Variants in OTOF observed in about 807,000 individuals in gnomAD.
OTOF encodes the protein otoferlin, also known as fer-1-like family member 2.
In OTOF, 218 loss-of-function variants were observed where a neutral mutation model predicts 236.8. The ratio of observed to expected loss-of-function variants is 0.92; its 90% CI spans 0.82 to 1.03. The LOEUF is 1.03. OTOF is among the 50% of genes least tolerant of loss of function. OTOF has a pLI of 0.00. For synonymous variants in OTOF, 1,041 were observed against 1,072.5 expected (o/e 0.97, Z 0.57); for missense variants, 2,590 against 2,694.4 (o/e 0.96, Z 0.86).
chr2:26,504,708 G>C (rs1346656129), intron 5 of OTOF, among the ~76,000 whole-genome samples: 2 of 134,338 alleles, frequency 1.5e-5, no homozygotes, highest in Admixed American at 1.5e-4. Flanking sequence ...CCCTGCAGCC[G>C]AGCCTGTGGT....
chr2:26,520,200 G>T (rs1326420105), intron 3 of OTOF, among the ~76,000 whole-genome samples: 1 of 152,198 alleles, frequency 6.6e-6, no homozygotes, highest in Non-Finnish European at 1.5e-5. Flanking sequence ...GGCACAAAGG[G>T]GAGGGAAGCA....
Position 26,516,462 on chromosome 2 carries a change from G to A in OTOF, c.465C>T (p.Gly155=). The change falls in exon 5 of 47, where the codon GGC becomes GGT. Residue 155 remains glycine, a synonymous_variant. Coordinates refer to ENST00000272371, the MANE Select transcript of OTOF (RefSeq NM_194248.3). ...DSQETDGLLP[G]SRPSSRPPGE... The stretch of plus-strand genomic sequence containing the variant: ...CTGGGGGCCGGGAGCTGGGCCGGGA[G>A]CCTGGGAGCAGTCCATCCGTCTCTT... The A allele has an allele frequency of 6.2e-7, 1 of 1,613,978 alleles. No individual in the cohort carries two copies. Among genetic ancestry groups the A allele is most frequent in the Non-Finnish European group, 8.5e-7 (1 of 1,180,008 alleles).
rs745435855 is a variant in OTOF, at chr2:26,476,024, G to C, written c.2881C>G (p.Gln961Glu). Residue 961 changes from glutamine (Q) to glutamate (E), a missense_variant, in exon 24 of 47, where the codon CAG becomes GAG. Physicochemically the swap from Gln to Glu is conservative, Grantham distance 29. Transcript: ENST00000272371. ...SLVYTKKQAF[Q>E]LRAHMYQARS... is the part of the protein sequence containing the mutation. ...GCCTGGTACATGTGCGCTCGGAGCT[G>C]GAACGCCTGCTTCTCTGTGGGGAAG... 1 of 1,612,698 alleles carries C rather than the reference G, an allele frequency of 6.2e-7. No homozygotes were observed. The highest frequency in any genetic ancestry group is 1.1e-5 in the South Asian group (1 of 91,026).
chr2:26,522,088 C>A (rs1461994369), intron 3 of OTOF, among the ~76,000 whole-genome samples: 1 of 152,154 alleles, frequency 6.6e-6, no homozygotes, highest in East Asian at 1.9e-4. Context: ...TTGTCTATGG[C>A]CTGGAGGGTG....
chr2:26,483,085 G>C (rs1018755710), intron 13 of OTOF, among the ~76,000 whole-genome samples: 117 of 150,838 alleles, frequency 7.8e-4, no homozygotes, highest in Non-Finnish European at 1.5e-3. Context: ...GTGTGAATGG[G>C]TGCATGTGTG....
intron 1 of OTOF, among the ~76,000 whole-genome samples, chr2:26,553,519 G>A (rs1667512651): frequency 6.6e-6 from 1 of 152,104 alleles, no homozygotes; most frequent in East Asian, 1.9e-4. Flanking sequence ...CCTGTATGCT[G>A]CACTCATTTC....
At position 26,484,186 on chromosome 2, in the gene OTOF, G is replaced by T. The variant is rs561151333; in HGVS notation, c.1205+288C>A. 2.0e-5 allele frequency among the ~76,000 whole-genome samples: 3 copies of T among 152,306 alleles called. No individual in the cohort carries two copies. The South Asian group carries it at 6.2e-4, about 32-fold the overall frequency. The stretch of plus-strand genomic sequence containing the variant: ...AACCTTGGCTCTCCCAGCACTTCCT[G>T]CTGCTATACTCAGGACCCAGCAGCT... On this transcript the variant is annotated intron_variant, in intron 12 of 46. Coordinates refer to ENST00000272371, the MANE Select transcript of OTOF (RefSeq NM_194248.3).
chr2:26,494,368 T>G (rs1323934116), intron 9 of OTOF, among the ~76,000 whole-genome samples: 1 of 152,178 alleles, frequency 6.6e-6, no homozygotes, highest in African/African-American at 2.4e-5. Flanking sequence ...TAGGCAACCA[T>G]GAAGGAGCCG....
rs768153623 is a variant in OTOF, at chr2:26,461,757, G to A, written c.5472C>T (p.Ile1824=). 2 of 1,614,168 alleles carry A rather than the reference G, an allele frequency of 1.2e-6. No homozygotes were observed. The highest frequency in any genetic ancestry group is 1.7e-6 in the Non-Finnish European group (2 of 1,180,018). The change falls in exon 43 of 47, where the codon ATC becomes ATT. Residue 1824 remains isoleucine (I), a synonymous_variant. Transcript: ENST00000272371. This position sits in a 1 kb window ranked among gnomAD's most constrained non-coding sequence, Gnocchi z 6.2. ...MFSWDETEYK[I]PARLTLQIWD... ...AGATCTGCAGGGTGAGCCGCGCGGG[G>A]ATCTTGTACTCGGTCTCGTCCCAGG...
At position 26,476,229 on chromosome 2, in the gene OTOF, C is replaced by A. The variant is rs148094939; in HGVS notation, c.2765G>T (p.Arg922Leu). Residue 922 changes from arginine to leucine, a missense_variant, in exon 23 of 47, where the codon CGC (arginine) becomes CTC (leucine). This residue lies in a region of OTOF where 1,379 missense variants were observed against 1,341.6 expected (regional missense o/e 1.03). Coordinates refer to ENST00000272371, the MANE Select transcript of OTOF (RefSeq NM_194248.3). The part of the protein sequence containing the change: ...LYLWLGLSKQ[R>L]KEFLCGLPCG... The stretch of plus-strand genomic sequence containing the variant: ...GGGCAGGCCGCACAGGAACTCCTTG[C>A]GCTGTTTGCTGAGGCCCAGCCACAG... The A allele has an allele frequency of 3.4e-5, 55 of 1,608,796 alleles. No individual in the cohort carries two copies. The highest frequency in any genetic ancestry group is 1.8e-4 in the East Asian group (8 of 44,882).
chr2:26,483,123 G>A (rs1196247937), intron 13 of OTOF, among the ~76,000 whole-genome samples: 6 of 151,616 alleles, frequency 4.0e-5, no homozygotes, highest in African/African-American at 9.7e-5. Context: ...ACGTGTGCAC[G>A]GGTGAGTGGG....
At chr2:26,533,974 C>A (rs1297039324) in intron 2 of OTOF, among the ~76,000 whole-genome samples, 1 of 152,122 alleles carries the variant, frequency 6.6e-6, no homozygotes. Flanking sequence ...TTCCTCTTGG[C>A]TCAGAAGGCC....
At chr2:26,488,761 G>A (rs1408858246) in intron 11 of OTOF, among the ~76,000 whole-genome samples, 6 of 152,222 alleles carry the variant, frequency 3.9e-5, no homozygotes, top group African/African-American at 1.2e-4. Flanking sequence ...GGGACGGCAG[G>A]GTCCTGTGAG....
At chr2:26,523,077 C>T (rs1264799460) in intron 3 of OTOF, among the ~76,000 whole-genome samples, 2 of 152,212 alleles carry the variant, frequency 1.3e-5, no homozygotes, top group East Asian at 1.9e-4. Context: ...CCTGGGAGCC[C>T]GTGTCAGGTG....
At chr2:26,531,561 C>T (rs998449038) in intron 2 of OTOF, among the ~76,000 whole-genome samples, 1 of 152,214 alleles carries the variant, frequency 6.6e-6, no homozygotes, top group African/African-American at 2.4e-5. Context: ...TGCCACCTCC[C>T]TCCCCTTCGC....
chr2:26,513,920 G>A (rs1666454009), intron 5 of OTOF, among the ~76,000 whole-genome samples: 1 of 152,156 alleles, frequency 6.6e-6, no homozygotes, highest in Non-Finnish European at 1.5e-5. Flanking sequence ...CAACATCTAG[G>A]GCTGCGGGGC....
rs996599393 is a variant in OTOF, at chr2:26,470,429, G to A, written c.4023+164C>T. Reference sequence around the variant, plus strand: ...GAAGGTAGATGGGACCATCATCTTGGAAGGTGAGTTCTGAGCTAGGATTTC... The same window carrying A: ...GAAGGTAGATGGGACCATCATCTTGAAAGGTGAGTTCTGAGCTAGGATTTC... On this transcript the variant is annotated intron_variant, in intron 32 of 46. Coordinates refer to ENST00000272371, the MANE Select transcript of OTOF (RefSeq NM_194248.3). The surrounding 1 kb of genome is among the most constrained non-coding windows in gnomAD (Gnocchi z 4.3). 1.3e-5 allele frequency among the ~76,000 whole-genome samples: 2 copies of A among 152,032 alleles called. No homozygotes were observed. The highest frequency in any genetic ancestry group is 2.9e-5 in the Non-Finnish European group (2 of 68,024).
At chr2:26,527,634 G>A (rs1329107898) in intron 3 of OTOF, among the ~76,000 whole-genome samples, 198 bp downstream of exon 3, 3 of 152,174 alleles carry the variant, frequency 2.0e-5, no homozygotes, top group Non-Finnish European at 2.9e-5. Flanking sequence ...GGAGAACTGG[G>A]GGATTCTGAA....
At position 26,462,187 on chromosome 2, in the gene OTOF, C is replaced by T; in HGVS notation, c.5193-6G>A. 6.2e-7 allele frequency: 1 copy of T among 1,613,450 alleles called. No homozygotes were observed. ...TGATGACCCGCAGCTCGTACCTGGGCCCAGGGAGAGAAGGCTGGTTAGCAG... is the reference window on the plus strand; with the variant it reads ...TGATGACCCGCAGCTCGTACCTGGGTCCAGGGAGAGAAGGCTGGTTAGCAG... On this transcript the variant is annotated splice_polypyrimidine_tract_variant and splice_region_variant and intron_variant, in intron 41 of 46. Transcript: ENST00000272371. The surrounding 1 kb of genome is among the most constrained non-coding windows in gnomAD (Gnocchi z 4.7).
Sources: allele counts gnomAD v4.1 joint callset (sites outside exome capture counted in the v4.1 genomes callset), GRCh38; gene constraint gnomAD v4.1.1; regional missense constraint gnomAD v4.1.1; non-coding constraint Gnocchi (gnomAD v3.1); transcripts MANE v1.5; gene names NCBI Gene and HGNC (gene_info 2026-07-23, HGNC 2026-07-21).